ITIH4: variants seen among roughly 807,000 people sequenced by gnomAD.
ITIH4 encodes inter-alpha-trypsin inhibitor heavy chain 4.
In ITIH4, 79 loss-of-function variants were observed where a neutral mutation model predicts 111.8. That is an observed-to-expected ratio of 0.71 (90% CI 0.59 to 0.85). The LOEUF (loss-of-function observed/expected upper bound fraction) is 0.85, where lower values mean the gene tolerates loss of function less well. Among genes scored for constraint, ITIH4 ranks in the 40% least tolerant of loss-of-function variants. The pLI, the probability that ITIH4 is intolerant of heterozygous loss-of-function variation, is 0.00. For synonymous variants in ITIH4, 472 were observed against 468.3 expected (o/e 1.01, Z -0.10); for missense variants, 1,065 against 1,195.8 (o/e 0.89, Z 1.61).
intron 16 of ITIH4, 92 bp downstream of exon 16, chr3:52,819,662 C>T: frequency 1.3e-6 from 2 of 1,577,426 alleles, no homozygotes; most frequent in East Asian, 2.2e-5. Context: ...GGAGCCTCTC[C>T]CCCAACAGCT....
At chr3:52,823,415 A>T (rs1259689976) in intron 11 of ITIH4, 141 bp downstream of exon 11, 8 of 667,488 alleles carry the variant, frequency 1.2e-5, no homozygotes, top group South Asian at 1.9e-5. Context: ...GTCTCATTGA[A>T]TCCCTGCCAT....
rs751486449 is a variant in ITIH4 at position 52,816,885 on chromosome 3, C to T, written c.2470G>A (p.Gly824Ser). Residue 824 changes from glycine to serine, a missense_variant and splice_region_variant, in exon 21 of 24, where the codon GGC (glycine) becomes AGC (serine). Physicochemically the swap from Gly to Ser is moderately conservative, Grantham distance 56. Coordinates refer to ENST00000266041, the MANE Select transcript of ITIH4 (RefSeq NM_002218.5). ...WKETLFSVMPGLKMTMDKTGL... is the reference protein window; with the variant it reads ...WKETLFSVMPSLKMTMDKTGL... ...CCCGGGCTCCAGCCTGGGCCTTACC[C>T]GGGCATCACTGAGAATAGCGTCTCC... 1.6e-5 allele frequency: 26 copies of T among 1,613,074 alleles called. No individual in the cohort carries two copies. The South Asian group carries it at 2.3e-4, about 14-fold the overall frequency.
chr3:52,818,098 G>A lies in ITIH4; in HGVS notation c.2250C>T (p.Pro750=). Residue 750 remains proline (P), a synonymous_variant, in exon 20 of 24, where the codon CCC becomes CCT. Transcript: ENST00000266041. The part of the protein sequence containing the change: ...GQSVERLCVD[P]RHRQGPVNLL... The stretch of plus-strand genomic sequence containing the variant: ...GGTTCACTGGCCCCTGGCGGTGTCT[G>A]GGGTCCACACAGAGCCGCTCCACAC... 1 of 1,613,856 alleles carries A rather than the reference G, an allele frequency of 6.2e-7. No homozygotes were observed. Among genetic ancestry groups the A allele is most frequent in the Non-Finnish European group, 8.5e-7 (1 of 1,180,014 alleles).
chr3:52,815,749 G>A (rs1251198246), intron 21 of ITIH4, among the ~76,000 whole-genome samples: 1 of 151,590 alleles, frequency 6.6e-6, no homozygotes, highest in African/African-American at 2.4e-5. Context: ...CTGGAGCGCA[G>A]TGGTGTTAAC....
intron 11 of ITIH4, among the ~76,000 whole-genome samples, chr3:52,822,790 C>T (rs1057166984): frequency 2.6e-5 from 4 of 152,192 alleles, no homozygotes; most frequent in East Asian, 1.9e-4. Flanking sequence ...ACGCTGCCCT[C>T]ATGCCACAGG....
intron 14 of ITIH4, 37 bp from the exon 15 acceptor site, chr3:52,820,027 C>T (rs773131493): frequency 1.6e-5 from 25 of 1,604,458 alleles, no homozygotes; most frequent in Non-Finnish European, 6.0e-6. Context: ...CATCTTGCAC[C>T]CACCTTCCTG....
Position 52,826,762 on chromosome 3 carries a change from G to A in ITIH4, c.519+29C>T, listed in dbSNP as rs759170479. On this transcript the variant is annotated intron_variant, in intron 4 of 23. Transcript: ENST00000266041. ...CAGCAGGGCAAGGGTCATGCAGGAG[G>A]CCTCCCTGGAAGAGGTAGCAGCAGG... 3.7e-6 allele frequency: 6 copies of A among 1,613,450 alleles called. No homozygotes were observed. In the Admixed American group the frequency reaches 6.7e-5, roughly 18 times the overall value.
At chr3:52,820,167 G>T in intron 14 of ITIH4, 124 bp downstream of exon 14, 1 of 1,392,376 alleles carries the variant, frequency 7.2e-7, no homozygotes, top group Non-Finnish European at 1.0e-6. Flanking sequence ...CCTGGCAGCA[G>T]GGATGGGCTG....
At chr3:52,826,131 A>C in intron 5 of ITIH4, 117 bp from the exon 6 acceptor site, 2 of 1,386,664 alleles carry the variant, frequency 1.4e-6, no homozygotes, top group South Asian at 2.8e-5. Flanking sequence ...TTGGGTCCGT[A>C]TTCCAGGGCA....
rs758872370 is a variant in ITIH4 at position 52,816,979 on chromosome 3, T to C, written c.2376A>G (p.Val792=). The C allele has an allele frequency of 4.3e-6, 7 of 1,613,982 alleles. No homozygotes were observed. The Admixed American group carries it at 5.0e-5, about 12-fold the overall frequency. ...CGTGTTCAGGGGATGCGTGAACCCATACCAGGGGGTTCTTGAAGGTCACTT... is the reference window on the plus strand; with the variant it reads ...CGTGTTCAGGGGATGCGTGAACCCACACCAGGGGGTTCTTGAAGGTCACTT... ...WIEVTFKNPL[V]WVHASPEHVV... The change falls in exon 21 of 24, where the codon GTA becomes GTG. Residue 792 remains valine, a synonymous_variant. Coordinates refer to ENST00000266041, the MANE Select transcript of ITIH4 (RefSeq NM_002218.5).
At chr3:52,817,973 C>T (rs142378847) in intron 20 of ITIH4, 79 bp downstream of exon 20, 17 of 1,104,264 alleles carry the variant, frequency 1.5e-5, no homozygotes, top group South Asian at 2.6e-5. Context: ...CCAGCCTGCA[C>T]GCGCTGTGTG....
Position 52,814,169 on chromosome 3 carries a change from T to C in ITIH4, c.2626+40A>G, listed in dbSNP as rs535066366. On this transcript the variant is annotated intron_variant, in intron 22 of 23. Transcript: ENST00000266041. ...GCTGCCTGTTCCCAAGCACAGCTGGTTTCTGAGGAAGGCCTGGGCCCCGGT... is the reference window on the plus strand; with the variant it reads ...GCTGCCTGTTCCCAAGCACAGCTGGCTTCTGAGGAAGGCCTGGGCCCCGGT... 190 of 1,607,602 alleles carry C rather than the reference T, an allele frequency of 1.2e-4. 4 individuals are homozygous for C. The South Asian group carries it at 2.0e-3, about 17-fold the overall frequency.
In ITIH4 at chr3:52,826,842, C is replaced by G. The variant is rs748587679; in HGVS notation, c.468G>C (p.Val156=). The G allele has an allele frequency of 6.2e-7, 1 of 1,613,946 alleles. No homozygotes were observed. Residue 156 remains valine (V), a synonymous_variant, in exon 4 of 24, where the codon GTG becomes GTC. Transcript: ENST00000266041. ...YEELLKRRLG[V]YELLLKVRPQ... ...GCCGCACTTTCAGCAGCAGCTCGTA[C>G]ACCCCCAAACGCCGCTTGAGCAGCT...
chr3:52,815,297 G>A (rs904748827), intron 21 of ITIH4, among the ~76,000 whole-genome samples: 1 of 146,160 alleles, frequency 6.8e-6, no homozygotes, highest in Non-Finnish European at 1.5e-5. Context: ...AGGCTGAAGT[G>A]CAGTGGTGCA....
Position 52,826,020 on chromosome 3 carries a change from G to A in ITIH4, c.631-6C>T, listed in dbSNP as rs561854915. The stretch of plus-strand genomic sequence containing the variant: ...GGCTTGAACCGGATGTGAGCCTGGA[G>A]GAATAATCCGGGCTGAAGTTGGGAG... On this transcript the variant is annotated splice_region_variant and splice_polypyrimidine_tract_variant and intron_variant, in intron 5 of 23. Transcript: ENST00000266041. 1.3e-5 allele frequency: 21 copies of A among 1,614,020 alleles called. 1 individual carries two copies. The East Asian group carries it at 3.8e-4, about 29-fold the overall frequency.
chr3:52,817,563 A>ATGTC (rs1175626273), intron 20 of ITIH4, among the ~76,000 whole-genome samples: 5 of 152,002 alleles, frequency 3.3e-5, no homozygotes, highest in African/African-American at 1.2e-4. Flanking sequence ...GTGTGTCCCC[A>ATGTC]TGTCTGGTCC....
chr3:52,830,313 T>G, intron 1 of ITIH4: 1 of 600,968 alleles, frequency 1.7e-6, no homozygotes, highest in Non-Finnish European at 3.1e-6. Context: ...GAGCCAGGCT[T>G]GTAAAACTGT....
intron 21 of ITIH4, 74 bp from the exon 22 acceptor site, chr3:52,814,437 GTGGGCTGGGCTT>G: frequency 7.3e-7 from 1 of 1,361,150 alleles, no homozygotes; most frequent in Non-Finnish European, 1.0e-6. Flanking sequence ...AGGGTGGGGA[GTGGGCTGGGCTT>G]CCCCTCTTGT....
Position 52,824,210 on chromosome 3 carries a change from G to C in ITIH4, c.1151C>G (p.Thr384Ser). 1 of 1,613,442 alleles carries C rather than the reference G, an allele frequency of 6.2e-7. No homozygotes were observed. Among genetic ancestry groups the C allele is most frequent in the East Asian group, 2.2e-5 (1 of 44,886 alleles). ...EGSVSLIILLTDGDPTVGETN... is the reference protein window; with the variant it reads ...EGSVSLIILLSDGDPTVGETN... ...CTCACCCACAGTGGGGTCGCCATCG[G>C]TGAGCAGGATGATGAGTGAGACACT... The change falls in exon 9 of 24, where the codon ACC (threonine) becomes AGC (serine). Residue 384 changes from threonine to serine, a missense_variant. Physicochemically the swap from Thr to Ser is moderately conservative, Grantham distance 58. Transcript: ENST00000266041. The surrounding 1 kb of genome is among the most constrained non-coding windows in gnomAD (Gnocchi z 4.3).
Sources: gnomAD v4.1 joint callset for allele counts (sites outside exome capture counted in the v4.1 genomes callset) on GRCh38, gnomAD v4.1.1 for gene constraint, Gnocchi (gnomAD v3.1) non-coding constraint, MANE v1.5 for transcripts, NCBI Gene and HGNC (gene_info 2026-07-23, HGNC 2026-07-21) for gene names.